The following DMRT1 variants were observed in gnomAD, a reference collection of about 807,000 sequenced individuals.
DMRT1 encodes doublesex- and mab-3-related transcription factor 1.
Under a neutral mutation model 32.3 loss-of-function variants are expected in DMRT1, and 7 were observed. That is an observed-to-expected ratio of 0.22 (90% CI 0.12 to 0.41). DMRT1 has a LOEUF of 0.41. Among genes scored for constraint, DMRT1 ranks in the 10% least tolerant of loss-of-function variants. The probability of loss-of-function intolerance (pLI) is 1.00; values close to 1 mark genes in which losing one functional copy is unlikely to be tolerated. For missense variants in DMRT1, 625 were observed against 500.5 expected, an observed-to-expected ratio of 1.25 and a Z score of -2.37; for synonymous variants, 278 against 206.1, an observed-to-expected ratio of 1.35 and a Z score of -2.99.
At chr9:847,223 C>G (rs1447034750) in intron 2 of DMRT1, 80 bp downstream of exon 2, 6 of 1,431,808 alleles carry the variant, frequency 4.2e-6, no homozygotes, top group Non-Finnish European at 5.8e-6. Context: ...AGCAGGGCTC[C>G]CCTGAGCTAC....
In DMRT1 at chr9:861,729, G is replaced by A. The variant is rs1017450394; in HGVS notation, c.538+14586G>A. Among the ~76,000 whole-genome samples, 8 of 150,668 alleles carry A rather than the reference G, an allele frequency of 5.3e-5. No homozygotes were observed. The East Asian group carries it at 1.6e-3, about 30-fold the overall frequency. On this transcript the variant is annotated intron_variant, in intron 2 of 4. Coordinates refer to ENST00000382276, the MANE Select transcript of DMRT1 (RefSeq NM_021951.3). ...AGACGGGGCGGCTGGCCGGGCAGGG[G>A]CTGCCCCCCACCTCCTGGACGGGGC...
chr9:925,250 A>G (rs1184658849), intron 4 of DMRT1, among the ~76,000 whole-genome samples: 1 of 152,178 alleles, frequency 6.6e-6, no homozygotes, highest in African/African-American at 2.4e-5. Flanking sequence ...CAACTGTGGA[A>G]TCTTTTCTGT....
intron 2 of DMRT1, among the ~76,000 whole-genome samples, chr9:850,004 G>T (rs960633112): frequency 7.9e-5 from 12 of 152,174 alleles, no homozygotes; most frequent in Non-Finnish European, 4.4e-5. Context: ...TTTTAGTAGA[G>T]ACGGGGTTTC....
At chr9:862,080 C>A (rs1017365703) in intron 2 of DMRT1, among the ~76,000 whole-genome samples, 3 of 146,180 alleles carry the variant, frequency 2.1e-5, no homozygotes, top group Non-Finnish European at 4.7e-5. Flanking sequence ...CAGAGACGCT[C>A]CTCACTTCCT....
chr9:966,733 G>GT (rs1254867787), intron 4 of DMRT1, among the ~76,000 whole-genome samples: 1 of 152,190 alleles, frequency 6.6e-6, no homozygotes, highest in Admixed American at 6.5e-5. Context: ...AGTGTAAATA[G>GT]TGTTCAGTTG....
At chr9:900,012 T>G (rs1006863149) in intron 3 of DMRT1, among the ~76,000 whole-genome samples, 2 of 152,250 alleles carry the variant, frequency 1.3e-5, no homozygotes, top group African/African-American at 4.8e-5. Context: ...ATAAGGCACC[T>G]CGAAGGAATG....
Position 841,865 on chromosome 9 carries a change from G to C in DMRT1, c.27G>C (p.Lys9Asn). 1 of 1,612,968 alleles carries C rather than the reference G, an allele frequency of 6.2e-7. No individual in the cohort carries two copies. Among genetic ancestry groups the C allele is most frequent in the Non-Finnish European group, 8.5e-7 (1 of 1,179,686 alleles). The part of the protein sequence containing the change: MPNDEAFS[K>N]PSTPSEAPHA... ...TGCCCAACGACGAGGCATTCAGCAAGCCCTCTACACCGTCGGAAGCCCCTC... is the reference window on the plus strand; with the variant it reads ...TGCCCAACGACGAGGCATTCAGCAACCCCTCTACACCGTCGGAAGCCCCTC... Residue 9 changes from lysine (K) to asparagine (N), a missense_variant, in exon 1 of 5, where the codon AAG becomes AAC. By Grantham distance (94) the Lys-to-Asn change is moderately conservative (BLOSUM62 0). Transcript: ENST00000382276.
chr9:941,277 G>C (rs1819057847), intron 4 of DMRT1, among the ~76,000 whole-genome samples: 1 of 151,946 alleles, frequency 6.6e-6, no homozygotes. Context: ...TCAACAGAGG[G>C]TGGACAAAGA....
chr9:968,162 G>T lies in DMRT1; in HGVS notation c.*23G>T. On this transcript the variant is annotated 3_prime_UTR_variant, in exon 5 of 5. Coordinates refer to ENST00000382276, the MANE Select transcript of DMRT1 (RefSeq NM_021951.3). ...TGAGCAGTGCCTGCTGCCGATGGCG[G>T]TTCACTTGGAGTAACAGGCTTATTC... is the stretch of plus-strand genomic sequence containing the variant. 6.2e-7 allele frequency: 1 copy of T among 1,613,446 alleles called. No homozygotes were observed. The highest frequency in any genetic ancestry group is 8.5e-7 in the Non-Finnish European group (1 of 1,179,906).
chr9:902,766 G>A (rs750982159), intron 3 of DMRT1, among the ~76,000 whole-genome samples: 2 of 152,110 alleles, frequency 1.3e-5, no homozygotes, highest in Non-Finnish European at 2.9e-5. Context: ...TGGGATTACA[G>A]GTGTGAGCCA....
At chr9:856,359 G>A (rs1297066142) in intron 2 of DMRT1, among the ~76,000 whole-genome samples, 1 of 152,164 alleles carries the variant, frequency 6.6e-6, no homozygotes, top group Non-Finnish European at 1.5e-5. Context: ...ACAGTCACAA[G>A]AATCTGGTTT....
rs189929970 is a variant in DMRT1, at chr9:871,267, A to G, written c.539-22645A>G. 2.8e-3 allele frequency among the ~76,000 whole-genome samples: 422 copies of G among 150,660 alleles called. 3 individuals carry two copies. The highest frequency in any genetic ancestry group is 0.02 in the East Asian group (100 of 5,086). Reference sequence around the variant, plus strand: ...AGTCTTGAATTATTGAGCTCGAGCAATTCTCCACCTTGGCCTCCCAAAGTG... The same window carrying G: ...AGTCTTGAATTATTGAGCTCGAGCAGTTCTCCACCTTGGCCTCCCAAAGTG... On this transcript the variant is annotated intron_variant, in intron 2 of 4. Coordinates refer to ENST00000382276, the MANE Select transcript of DMRT1 (RefSeq NM_021951.3).
chr9:843,986 G>T (rs1352808463), intron 1 of DMRT1, among the ~76,000 whole-genome samples: 1 of 151,744 alleles, frequency 6.6e-6, no homozygotes, highest in Non-Finnish European at 1.5e-5. Flanking sequence ...TGAGTTTACT[G>T]AAAAAAATTA....
rs555568690 is a variant in DMRT1, at chr9:890,997, C to T, written c.539-2915C>T. On this transcript the variant is annotated intron_variant, in intron 2 of 4. Transcript: ENST00000382276. ...AGACCTACCTCAGCCTCCCAAAGTA[C>T]TGGGATTACAGGCGTGAGCCACCGC... Among the ~76,000 whole-genome samples the T allele has an allele frequency of 8.6e-4, 130 of 151,270 alleles. 1 individual carries two copies. The highest frequency in any genetic ancestry group is 1.7e-3 in the Non-Finnish European group (113 of 67,864).
At chr9:897,988 A>G (rs1019422542) in intron 3 of DMRT1, among the ~76,000 whole-genome samples, 3 of 152,254 alleles carry the variant, frequency 2.0e-5, no homozygotes, top group African/African-American at 4.8e-5. Flanking sequence ...GCGTTAAGAC[A>G]TAGATGTTAT....
chr9:881,833 A>G (rs1271816229), intron 2 of DMRT1, among the ~76,000 whole-genome samples: 2 of 152,162 alleles, frequency 1.3e-5, no homozygotes, highest in Admixed American at 6.5e-5. Flanking sequence ...AAGCTTTCCC[A>G]TTGGCCTGTT....
At chr9:846,174 G>A (rs932279789) in intron 1 of DMRT1, among the ~76,000 whole-genome samples, 10 of 151,460 alleles carry the variant, frequency 6.6e-5, no homozygotes, top group Non-Finnish European at 1.5e-4. Flanking sequence ...TGGGACTACA[G>A]GTGGGCTAAC....
intron 2 of DMRT1, among the ~76,000 whole-genome samples, chr9:856,023 T>A (rs1815384402): frequency 6.6e-6 from 1 of 152,116 alleles, no homozygotes; most frequent in African/African-American, 2.4e-5. Context: ...TTCAAGCGAT[T>A]CTCCTGCTTC....
At chr9:893,891 T>C in intron 2 of DMRT1, 21 bp from the exon 3 acceptor site, 2 of 1,609,858 alleles carry the variant, frequency 1.2e-6, no homozygotes, top group East Asian at 4.5e-5. Flanking sequence ...TGTTGTATTT[T>C]TCTTTTTTCT....
Sources: allele counts gnomAD v4.1 joint callset (sites outside exome capture counted in the v4.1 genomes callset), GRCh38; gene constraint gnomAD v4.1.1; transcripts MANE v1.5; gene names NCBI Gene and HGNC (gene_info 2026-07-23, HGNC 2026-07-21).